The following MAN1C1 variants were observed in gnomAD, a reference collection of about 807,000 sequenced individuals.
MAN1C1 encodes mannosyl-oligosaccharide 1,2-alpha-mannosidase IC.
In MAN1C1, 49 loss-of-function variants were observed where a neutral mutation model predicts 71.5. The ratio of observed to expected loss-of-function variants is 0.69; its 90% confidence interval spans 0.54 to 0.87. MAN1C1 has a LOEUF of 0.87. Ranked by LOEUF, MAN1C1 falls within the 40% of genes least tolerant of loss-of-function variation. The pLI is 0.00. For synonymous variants in MAN1C1, 352 were observed against 343.7 expected (o/e 1.02, Z -0.27); for missense variants, 743 against 835.0 (o/e 0.89, Z 1.36).
chr1:25,652,493 C>T (rs2045707630), intron 1 of MAN1C1, among the ~76,000 whole-genome samples: 1 of 152,328 alleles, frequency 6.6e-6, no homozygotes, highest in African/African-American at 2.4e-5. Flanking sequence ...AGCACCCGCT[C>T]AGGCATGGGG....
chr1:25,724,097 C>T (rs2744765), intron 2 of MAN1C1, among the ~76,000 whole-genome samples: 24,242 of 150,332 alleles, frequency 0.16, 2,277 homozygotes, highest in African/African-American at 0.26. Flanking sequence ...GGCACAATCT[C>T]GGCTCGCTGC....
Position 25,753,620 on chromosome 1 carries a change from C to A in MAN1C1, c.929+42C>A. The A allele has an allele frequency of 1.3e-6, 2 of 1,560,224 alleles. No homozygotes were observed. The highest frequency in any genetic ancestry group is 8.8e-7 in the Non-Finnish European group (1 of 1,136,420). ...TTCCCCACTGGGGCTTTACTGCGAC[C>A]ATGCCCACCATTTGTGTTTTGTCTG... On this transcript the variant is annotated intron_variant, in intron 5 of 11. Coordinates refer to ENST00000374332, the MANE Select transcript of MAN1C1 (RefSeq NM_020379.4). This position sits in a 1 kb window ranked among gnomAD's most constrained non-coding sequence, Gnocchi z 4.9.
intron 1 of MAN1C1, among the ~76,000 whole-genome samples, chr1:25,633,838 G>C (rs780924197): frequency 6.6e-6 from 1 of 151,906 alleles, no homozygotes; most frequent in Non-Finnish European, 1.5e-5. Flanking sequence ...TAGATGCTTG[G>C]TTTTTTTCTA....
At chr1:25,696,183 C>A (rs2124203285) in intron 2 of MAN1C1, among the ~76,000 whole-genome samples, 1 of 152,332 alleles carries the variant, frequency 6.6e-6, no homozygotes, top group South Asian at 2.1e-4. Context: ...ACAGCAAGAG[C>A]CTCCTTTTCT....
At chr1:25,751,554 C>G (rs1165450672) in intron 4 of MAN1C1, among the ~76,000 whole-genome samples, 1 of 152,256 alleles carries the variant, frequency 6.6e-6, no homozygotes, top group Non-Finnish European at 1.5e-5. Flanking sequence ...GAGGGGCCAA[C>G]GTGGCCAGAA....
intron 2 of MAN1C1, among the ~76,000 whole-genome samples, chr1:25,692,072 C>T (rs1242021903): frequency 6.6e-6 from 1 of 152,208 alleles, no homozygotes; most frequent in Non-Finnish European, 1.5e-5. Context: ...GAAACCAAGG[C>T]TCAGAGAGGG....
chr1:25,730,527 G>T lies in MAN1C1; in HGVS notation c.638-16141G>T, dbSNP rs141143957. On this transcript the variant is annotated intron_variant, in intron 2 of 11. Transcript: ENST00000374332. This position sits in a 1 kb window ranked among gnomAD's most constrained non-coding sequence, Gnocchi z 4.3. ...CTCCTGAGTTCTGAGAACTGCTCTC[G>T]CCAGGAAAGCCTTGAAATGCTCCTG... is the stretch of plus-strand genomic sequence containing the variant. Among the ~76,000 whole-genome samples, 2 of 151,976 alleles carry T rather than the reference G, an allele frequency of 1.3e-5. No homozygotes were observed. The highest frequency in any genetic ancestry group is 2.1e-4 in the South Asian group (1 of 4,826).
chr1:25,749,171 A>C, intron 3 of MAN1C1, 84 bp from the exon 4 acceptor site: 2 of 1,103,282 alleles, frequency 1.8e-6, no homozygotes, highest in Non-Finnish European at 2.7e-6. Flanking sequence ...TATGGGAGGA[A>C]TATCAGTGGC....
At chr1:25,770,075 A>G (rs2047529743) in intron 7 of MAN1C1, among the ~76,000 whole-genome samples, 1 of 151,742 alleles carries the variant, frequency 6.6e-6, no homozygotes, top group Non-Finnish European at 1.5e-5. Flanking sequence ...CATGACTTCC[A>G]GCCTCCCCGG....
intron 1 of MAN1C1, among the ~76,000 whole-genome samples, chr1:25,665,256 GAC>G (rs988230906): frequency 2.6e-5 from 4 of 152,224 alleles, no homozygotes; most frequent in South Asian, 2.1e-4. Context: ...TTGTGCCTGA[GAC>G]ACACGTACAC....
chr1:25,647,516 G>A (rs1001238764), intron 1 of MAN1C1, among the ~76,000 whole-genome samples: 3 of 152,038 alleles, frequency 2.0e-5, no homozygotes, highest in Admixed American at 6.5e-5. Flanking sequence ...GAGGTACCTC[G>A]TCTTAACTCC....
Position 25,778,606 on chromosome 1 carries a change from C to T in MAN1C1, c.1477+282C>T, listed in dbSNP as rs1572215279. Among the ~76,000 whole-genome samples, 1 of 152,162 alleles carries T rather than the reference C, an allele frequency of 6.6e-6. No individual in the cohort carries two copies. Among genetic ancestry groups the T allele is most frequent in the Non-Finnish European group, 1.5e-5 (1 of 68,034 alleles). On this transcript the variant is annotated intron_variant, in intron 9 of 11. Coordinates refer to ENST00000374332, the MANE Select transcript of MAN1C1 (RefSeq NM_020379.4). The surrounding 1 kb of genome is among the most constrained non-coding windows in gnomAD (Gnocchi z 5.5). ...CACCACACAGATGAGGAAACTGAGG[C>T]TCAGAGATTACTTGGCCAAGGTCCC... is the stretch of plus-strand genomic sequence containing the variant.
chr1:25,764,212 G>A lies in MAN1C1; in HGVS notation c.1141+245G>A, dbSNP rs192928039. On this transcript the variant is annotated intron_variant, in intron 7 of 11. Coordinates refer to ENST00000374332, the MANE Select transcript of MAN1C1 (RefSeq NM_020379.4). This position sits in a 1 kb window ranked among gnomAD's most constrained non-coding sequence, Gnocchi z 4.4. ...TGTTTACTGAAGGCCTGCCCTGTGC[G>A]TTCCAAACCCTACCTTCTCTGGCCC... Among the ~76,000 whole-genome samples the A allele has an allele frequency of 2.7e-4, 41 of 152,274 alleles. No individual in the cohort carries two copies. Among genetic ancestry groups the A allele is most frequent in the African/African-American group, 9.9e-4 (41 of 41,544 alleles).
chr1:25,678,087 T>C, intron 1 of MAN1C1, among the ~76,000 whole-genome samples: 1 of 152,170 alleles, frequency 6.6e-6, no homozygotes, highest in Non-Finnish European at 1.5e-5. Flanking sequence ...TAAACTTCTA[T>C]CAGACATAAC....
intron 2 of MAN1C1, among the ~76,000 whole-genome samples, chr1:25,694,561 A>G (rs2046346542): frequency 6.6e-6 from 1 of 152,222 alleles, no homozygotes; most frequent in Admixed American, 6.5e-5. Context: ...CGGAGCAAAT[A>G]TGATGTTGAA....
rs2046242141 is a variant in MAN1C1, at chr1:25,687,086, G to A, written c.637+550G>A. 2.0e-5 allele frequency among the ~76,000 whole-genome samples: 3 copies of A among 152,088 alleles called. No individual in the cohort carries two copies. In the South Asian group the frequency reaches 6.2e-4, roughly 32 times the overall value. Reference sequence around the variant, plus strand: ...AGCCTGGGAGTTCAGGTCCGGCCTGGGCAGCATATTGAGACCCCATTTCAA... The same window carrying A: ...AGCCTGGGAGTTCAGGTCCGGCCTGAGCAGCATATTGAGACCCCATTTCAA... On this transcript the variant is annotated intron_variant, in intron 2 of 11. Coordinates refer to ENST00000374332, the MANE Select transcript of MAN1C1 (RefSeq NM_020379.4).
intron 2 of MAN1C1, among the ~76,000 whole-genome samples, chr1:25,702,033 C>A (rs2046451220): frequency 6.6e-6 from 1 of 152,186 alleles, no homozygotes; most frequent in Non-Finnish European, 1.5e-5. Context: ...GCACTCCAGC[C>A]TGGGTGACAG....
At chr1:25,653,118 C>G (rs1449700357) in intron 1 of MAN1C1, among the ~76,000 whole-genome samples, 1 of 151,810 alleles carries the variant, frequency 6.6e-6, no homozygotes, top group Non-Finnish European at 1.5e-5. Flanking sequence ...CTCACTGTTT[C>G]CCAGGCTGCA....
At chr1:25,722,428 A>G (rs754929051) in intron 2 of MAN1C1, among the ~76,000 whole-genome samples, 6 of 152,138 alleles carry the variant, frequency 3.9e-5, no homozygotes, top group Non-Finnish European at 8.8e-5. Context: ...CTGGTCCTCC[A>G]ATTTATCTTC....
Sources: allele counts gnomAD v4.1 joint callset (sites outside exome capture counted in the v4.1 genomes callset), GRCh38; gene constraint gnomAD v4.1.1; non-coding constraint Gnocchi (gnomAD v3.1); transcripts MANE v1.5; gene names NCBI Gene and HGNC (gene_info 2026-07-23, HGNC 2026-07-21).